RNFT2: variants seen among roughly 807,000 people sequenced by gnomAD.
RNFT2 encodes E3 ubiquitin-protein ligase RNFT2.
Under a neutral mutation model 53.0 loss-of-function variants are expected in RNFT2, and 36 were observed. The ratio of observed to expected loss-of-function variants is 0.68; its 90% confidence interval spans 0.52 to 0.90. The LOEUF is 0.90. RNFT2 is among the 40% of genes least tolerant of loss of function. The probability of loss-of-function intolerance (pLI) is 0.00; values close to 1 mark genes in which losing one functional copy is unlikely to be tolerated. For synonymous variants in RNFT2, 260 were observed against 253.2 expected (o/e 1.03, Z -0.26); for missense variants, 514 against 585.6 (o/e 0.88, Z 1.26).
chr12:116,789,027 GGGTAAATGGGAGGAGAGTA>G, intron 7 of RNFT2, among the ~76,000 whole-genome samples: 1 of 150,328 alleles, frequency 6.7e-6, no homozygotes, highest in Admixed American at 6.7e-5. Flanking sequence ...ATGGGTGGAT[GGGTAAATGGGAGGAGAGTA>G]GATGGATGGA....
intron 7 of RNFT2, among the ~76,000 whole-genome samples, chr12:116,813,605 A>G (rs932705936): frequency 2.0e-5 from 3 of 152,180 alleles, no homozygotes; most frequent in Admixed American, 2.0e-4. Flanking sequence ...TGTCTCCCCC[A>G]TTAGGACTTA....
intron 5 of RNFT2, chr12:116,755,742 T>G (rs1265668377): frequency 1.4e-6 from 2 of 1,464,144 alleles, no homozygotes; most frequent in African/African-American, 2.8e-5. Context: ...ACAGTACCCA[T>G]TCCCTTGATG....
At chr12:116,804,632 TA>T (rs1874957882) in intron 7 of RNFT2, among the ~76,000 whole-genome samples, 1 of 152,222 alleles carries the variant, frequency 6.6e-6, no homozygotes, top group African/African-American at 2.4e-5. Flanking sequence ...TGTTGAATTT[TA>T]GGATTGAGTA....
chr12:116,749,989 C>T lies in RNFT2; in HGVS notation c.232C>T (p.Leu78=), dbSNP rs942192981. The T allele has an allele frequency of 5.1e-6, 8 of 1,559,908 alleles. No homozygotes were observed. The Admixed American group carries it at 1.5e-4, about 30-fold the overall frequency. Residue 78 remains leucine, a synonymous_variant, in exon 4 of 11, where the codon CTG becomes TTG. Coordinates refer to ENST00000257575, the MANE Select transcript of RNFT2 (RefSeq NM_001382266.1). ...CAGCTCGTTCCCCTCCAGCCTGGTG[C>T]TGGGCTCCTCGGCTGGCGGCGGGGA... ...PTSSFPSSLV[L]GSSAGGGDVF... is the part of the protein sequence containing the mutation.
chr12:116,802,024 G>A (rs1874823568), intron 7 of RNFT2, among the ~76,000 whole-genome samples: 1 of 152,184 alleles, frequency 6.6e-6, no homozygotes, highest in Admixed American at 6.5e-5. Context: ...GTTTCGCCAT[G>A]TTGGCCAGGC....
In RNFT2 at chr12:116,835,957, C is replaced by G. The variant is rs754284223; in HGVS notation, c.1033-3C>G. 6.2e-7 allele frequency: 1 copy of G among 1,614,016 alleles called. No homozygotes were observed. The highest frequency in any genetic ancestry group is 1.7e-5 in the Admixed American group (1 of 60,022). ...TTCAGCCACCACCCTGCTCTCCTTT[C>G]AGTCCTTCGACATCTGTGGACGTGT... On this transcript the variant is annotated splice_polypyrimidine_tract_variant and splice_region_variant and intron_variant, in intron 8 of 10. Coordinates refer to ENST00000257575, the MANE Select transcript of RNFT2 (RefSeq NM_001382266.1).
chr12:116,836,319 G>A, intron 10 of RNFT2, 37 bp downstream of exon 10: 2 of 1,522,224 alleles, frequency 1.3e-6, no homozygotes, highest in Non-Finnish European at 8.9e-7. Context: ...GGAGACCAAG[G>A]CTGGGGGAGA....
At chr12:116,782,484 G>A (rs930091142) in intron 7 of RNFT2, among the ~76,000 whole-genome samples, 5 of 152,010 alleles carry the variant, frequency 3.3e-5, no homozygotes, top group Non-Finnish European at 7.4e-5. Context: ...CCATGATCGT[G>A]CCACTGTACT....
At chr12:116,825,650 C>T (rs557036503) in intron 7 of RNFT2, among the ~76,000 whole-genome samples, 2 of 152,306 alleles carry the variant, frequency 1.3e-5, no homozygotes, top group South Asian at 4.1e-4. Context: ...CTTGTGGGAA[C>T]ATTTATACCA....
chr12:116,802,582 A>T (rs1443379297), intron 7 of RNFT2, among the ~76,000 whole-genome samples: 1 of 152,226 alleles, frequency 6.6e-6, no homozygotes, highest in Non-Finnish European at 1.5e-5. Context: ...TGATGTAGCC[A>T]CAAGACAAAC....
intron 5 of RNFT2, among the ~76,000 whole-genome samples, chr12:116,766,483 A>G (rs1309462367): frequency 6.6e-6 from 1 of 152,210 alleles, no homozygotes; most frequent in East Asian, 1.9e-4. Context: ...AAAGAGTTTA[A>G]ATAACTTGCC....
intron 7 of RNFT2, among the ~76,000 whole-genome samples, chr12:116,827,960 T>A (rs1029442086): frequency 3.9e-5 from 6 of 152,124 alleles, no homozygotes. Flanking sequence ...CCAGACTGGT[T>A]GTTGAGACTG....
chr12:116,833,926 C>T lies in RNFT2; in HGVS notation c.1017C>T (p.Leu339=), dbSNP rs1379492188. ...SYFLGGVLIV[L]YSLCKSFDIC... ...TCCTGGGCGGGGTCCTGATCGTTCT[C>T]TACAGCCTCTGCAAGGTGAGGTGGC... The change falls in exon 8 of 11, where the codon CTC becomes CTT. Residue 339 remains leucine, a synonymous_variant. Coordinates refer to ENST00000257575, the MANE Select transcript of RNFT2 (RefSeq NM_001382266.1). 2 of 1,607,416 alleles carry T rather than the reference C, an allele frequency of 1.2e-6. No individual in the cohort carries two copies. Among genetic ancestry groups the T allele is most frequent in the Non-Finnish European group, 1.7e-6 (2 of 1,177,326 alleles).
intron 7 of RNFT2, among the ~76,000 whole-genome samples, chr12:116,800,812 T>TTAAAA (rs3069310): frequency 0.15 from 16,910 of 114,676 alleles, 1,523 homozygotes; most frequent in African/African-American, 0.22. Flanking sequence ...AGACTCCATC[T>TTAAAA]TAAAATAAAA....
chr12:116,833,701 A>G, intron 7 of RNFT2, 91 bp from the exon 8 acceptor site: 1 of 1,315,796 alleles, frequency 7.6e-7, no homozygotes, highest in Non-Finnish European at 1.1e-6. Context: ...GTGACCTAGA[A>G]TGTCATCACT....
At chr12:116,807,828 G>A (rs192517854) in intron 7 of RNFT2, among the ~76,000 whole-genome samples, 5 of 151,750 alleles carry the variant, frequency 3.3e-5, no homozygotes, top group Non-Finnish European at 7.4e-5. Flanking sequence ...TTTTGAGATA[G>A]GGTCTTGCTG....
At chr12:116,749,720 A>T in intron 3 of RNFT2, 121 bp from the exon 4 acceptor site, 3 of 871,706 alleles carry the variant, frequency 3.4e-6, no homozygotes, top group Non-Finnish European at 5.3e-6. Flanking sequence ...CTTCATGTGA[A>T]TTTGAGGGGG....
chr12:116,792,918 G>A (rs1233885234), intron 7 of RNFT2, among the ~76,000 whole-genome samples: 2 of 152,142 alleles, frequency 1.3e-5, no homozygotes, highest in African/African-American at 4.8e-5. Context: ...ATTTGGGTCG[G>A]TTGATGGCCC....
chr12:116,823,463 C>T (rs1472289746), intron 7 of RNFT2, among the ~76,000 whole-genome samples: 4 of 152,338 alleles, frequency 2.6e-5, no homozygotes, highest in African/African-American at 4.8e-5. Context: ...GTGTGTGGAT[C>T]GCTTGAGGTC....
Sources: gnomAD v4.1 joint callset for allele counts (sites outside exome capture counted in the v4.1 genomes callset) on GRCh38, gnomAD v4.1.1 for gene constraint, MANE v1.5 for transcripts, NCBI Gene and HGNC (gene_info 2026-07-23, HGNC 2026-07-21) for gene names.